The following LRP1B variants were observed in gnomAD, a reference collection of about 807,000 sequenced individuals.
LRP1B encodes the protein low-density lipoprotein receptor-related protein 1B.
Under a neutral mutation model 556.6 loss-of-function variants are expected in LRP1B, and 217 were observed. The ratio of observed to expected loss-of-function variants is 0.39; its 90% CI spans 0.35 to 0.44. The LOEUF is 0.44. Among genes scored for constraint, LRP1B ranks in the 20% least tolerant of loss-of-function variants. The pLI is 1.00. For missense variants in LRP1B, 5,053 were observed against 5,620.8 expected (o/e 0.90, Z 3.23); for synonymous variants, 2,047 against 1,865.8 (o/e 1.10, Z -2.50).
chr2:141,823,289 T>TGA (rs1696814295), intron 1 of LRP1B, among the ~76,000 whole-genome samples: 1 of 152,150 alleles, frequency 6.6e-6, no homozygotes, highest in Non-Finnish European at 1.5e-5. Flanking sequence ...CTCTAGATTG[T>TGA]GAGCACTTCA....
At chr2:140,287,007 A>G (rs907915869) in intron 84 of LRP1B, among the ~76,000 whole-genome samples, 3 of 151,736 alleles carry the variant, frequency 2.0e-5, no homozygotes, top group African/African-American at 7.2e-5. Flanking sequence ...GTTATAGAAT[A>G]CTGTTTGTTA....
At chr2:141,163,707 C>A (rs998706020) in intron 7 of LRP1B, among the ~76,000 whole-genome samples, 1 of 152,032 alleles carries the variant, frequency 6.6e-6, no homozygotes, top group Non-Finnish European at 1.5e-5. Context: ...CGCATTCTCT[C>A]GTCTGCTGCC....
intron 1 of LRP1B, among the ~76,000 whole-genome samples, chr2:141,817,865 A>G (rs904918895): frequency 6.6e-6 from 1 of 152,192 alleles, no homozygotes; most frequent in African/African-American, 2.4e-5. Context: ...TAAATGATTC[A>G]TTCTGATAGC....
intron 32 of LRP1B, among the ~76,000 whole-genome samples, chr2:140,778,228 A>G (rs1274311752): frequency 6.6e-6 from 1 of 152,214 alleles, no homozygotes; most frequent in Non-Finnish European, 1.5e-5. Context: ...TACTTTTTTC[A>G]TAGAACATCA....
chr2:140,982,218 T>C lies in LRP1B; in HGVS notation c.2829A>G (p.Ala943=), dbSNP rs779335937. ...AGTCGTCTTCCCTGTCACACAGCCA[T>C]GCTCTGGGAATGCAACGCCCATTTC... is the stretch of plus-strand genomic sequence containing the variant. ...SCGNGRCIPR[A]WLCDREDDCG... Residue 943 remains alanine, a synonymous_variant, in exon 18 of 91, where the codon GCA becomes GCG. Transcript: ENST00000389484. 4 of 1,613,328 alleles carry C rather than the reference T, an allele frequency of 2.5e-6. No homozygotes were observed. Among genetic ancestry groups the C allele is most frequent in the Non-Finnish European group, 3.4e-6 (4 of 1,179,584 alleles).
chr2:141,869,174 A>G (rs1698504032), intron 1 of LRP1B, among the ~76,000 whole-genome samples: 1 of 152,090 alleles, frequency 6.6e-6, no homozygotes, highest in Non-Finnish European at 1.5e-5. Flanking sequence ...CAATGATGAA[A>G]ATGTTCTTTA....
In LRP1B at chr2:140,903,179, G is replaced by A. The variant is rs1465998654; in HGVS notation, c.3521-14C>T. On this transcript the variant is annotated splice_polypyrimidine_tract_variant and intron_variant, in intron 22 of 90. Coordinates refer to ENST00000389484, the MANE Select transcript of LRP1B (RefSeq NM_018557.3). ...GCGAACACTCATCTATAAAAAGGGG[G>A]GAACAGATTATAGGTCTTATCAATT... 5 of 1,611,226 alleles carry A rather than the reference G, an allele frequency of 3.1e-6. No homozygotes were observed. The highest frequency in any genetic ancestry group is 1.1e-5 in the South Asian group (1 of 90,890).
intron 57 of LRP1B, among the ~76,000 whole-genome samples, chr2:140,491,943 T>G (rs1362541931): frequency 6.6e-6 from 1 of 152,164 alleles, no homozygotes; most frequent in Non-Finnish European, 1.5e-5. Context: ...CTGAAAACAC[T>G]GGTGAACTGG....
chr2:140,868,062 A>T (rs965525048), intron 26 of LRP1B, 37 bp downstream of exon 26: 4 of 777,236 alleles, frequency 5.1e-6, no homozygotes, highest in East Asian at 4.7e-5. Context: ...TTATCTAAGT[A>T]AAAAAAAAAA....
chr2:141,162,334 A>T (rs1472309501), intron 7 of LRP1B, among the ~76,000 whole-genome samples: 1 of 152,104 alleles, frequency 6.6e-6, no homozygotes, highest in Non-Finnish European at 1.5e-5. Flanking sequence ...AAGGAGGGGT[A>T]ACATTACCCT....
At chr2:140,716,438 C>G (rs551359819) in intron 36 of LRP1B, among the ~76,000 whole-genome samples, 3 of 152,180 alleles carry the variant, frequency 2.0e-5, no homozygotes, top group African/African-American at 7.2e-5. Context: ...TACCTGCCTT[C>G]TGGAGCTCTC....
At chr2:141,146,447 C>G (rs1009403665) in intron 7 of LRP1B, among the ~76,000 whole-genome samples, 8 of 152,140 alleles carry the variant, frequency 5.3e-5, no homozygotes, top group Non-Finnish European at 7.3e-5. Context: ...ATTACCATGT[C>G]GTGTGCTCTA....
chr2:140,617,553 C>G (rs1243396658), intron 41 of LRP1B, among the ~76,000 whole-genome samples: 1 of 151,820 alleles, frequency 6.6e-6, no homozygotes, highest in Admixed American at 6.6e-5. Context: ...TCTTTCTTGA[C>G]TTCAAGTTTG....
intron 16 of LRP1B, among the ~76,000 whole-genome samples, chr2:140,990,975 T>C (rs969589212): frequency 9.8e-5 from 15 of 152,304 alleles, no homozygotes; most frequent in African/African-American, 3.6e-4. Flanking sequence ...AGTTTTTCTT[T>C]AAAGTAGCTT....
At position 141,247,225 on chromosome 2, in the gene LRP1B, C is replaced by T. The variant is rs2105326985; in HGVS notation, c.592+1G>A. ...ACAAAAAATAAATGGTCATAACTTA[C>T]CAATTTTAGCCTTGCAAGATCTGTT... On this transcript the variant is annotated splice_donor_variant, in intron 5 of 90. Transcript: ENST00000389484. LOFTEE classifies it high-confidence loss of function. 1.2e-6 allele frequency: 2 copies of T among 1,613,508 alleles called. No individual in the cohort carries two copies. Among genetic ancestry groups the T allele is most frequent in the Non-Finnish European group, 1.7e-6 (2 of 1,179,666 alleles).
intron 1 of LRP1B, among the ~76,000 whole-genome samples, chr2:142,117,626 TGA>T (rs959953405): frequency 6.6e-6 from 1 of 150,878 alleles, no homozygotes. Flanking sequence ...TGTGTGTGTG[TGA>T]GAGAGAGAGA....
intron 35 of LRP1B, among the ~76,000 whole-genome samples, chr2:140,728,340 CGT>C (rs1687663793): frequency 6.6e-6 from 1 of 152,096 alleles, no homozygotes; most frequent in African/African-American, 2.4e-5. Context: ...TCAGGTAACA[CGT>C]GAGAACTAAA....
chr2:141,860,094 T>C (rs1030328560), intron 1 of LRP1B, among the ~76,000 whole-genome samples: 2 of 152,204 alleles, frequency 1.3e-5, no homozygotes, highest in Non-Finnish European at 2.9e-5. Context: ...TTCCCATCTT[T>C]TGGGGCATTA....
In LRP1B at chr2:141,979,507, G is replaced by T. The variant is rs1194900818; in HGVS notation, c.82+151141C>A. ...AATGGTAGACTCACCAACATATTAAGAATCTTATTTTATATTTTTTCAGGT... is the reference window on the plus strand; with the variant it reads ...AATGGTAGACTCACCAACATATTAATAATCTTATTTTATATTTTTTCAGGT... On this transcript the variant is annotated intron_variant, in intron 1 of 90. Coordinates refer to ENST00000389484, the MANE Select transcript of LRP1B (RefSeq NM_018557.3). 3.3e-5 allele frequency among the ~76,000 whole-genome samples: 5 copies of T among 152,112 alleles called. No homozygotes were observed. In the East Asian group the frequency reaches 9.7e-4, roughly 29 times the overall value.
Sources: gnomAD v4.1 joint callset for allele counts (sites outside exome capture counted in the v4.1 genomes callset) on GRCh38, gnomAD v4.1.1 for gene constraint, MANE v1.5 for transcripts, NCBI Gene and HGNC (gene_info 2026-07-23, HGNC 2026-07-21) for gene names.